THSD7A: variants seen among roughly 807,000 people sequenced by gnomAD.
THSD7A encodes thrombospondin type-1 domain-containing protein 7A.
A neutral mutation model predicts 231.3 loss-of-function variants in THSD7A; 96 were observed. The ratio of observed to expected loss-of-function variants is 0.41; its 90% confidence interval spans 0.35 to 0.49. The LOEUF is 0.49. Ranked by LOEUF, THSD7A falls within the 20% of genes least tolerant of loss-of-function variation. THSD7A has a pLI of 0.05. For synonymous variants in THSD7A, 940 were observed against 743.3 expected (o/e 1.26, Z -4.30); for missense variants, 2,290 against 2,070.2 (o/e 1.11, Z -2.06).
intron 6 of THSD7A, among the ~76,000 whole-genome samples, chr7:11,503,105 A>G (rs1044386878): frequency 6.6e-6 from 1 of 152,210 alleles, no homozygotes; most frequent in East Asian, 1.9e-4. Flanking sequence ...TACTGATTCC[A>G]AAACAGGCAC....
At chr7:11,382,826 A>G (rs914227961) in intron 23 of THSD7A, among the ~76,000 whole-genome samples, 1 of 151,930 alleles carries the variant, frequency 6.6e-6, no homozygotes, top group African/African-American at 2.4e-5. Context: ...CTGCTGTCAC[A>G]CTACCTGGTG....
chr7:11,378,843 A>C, intron 26 of THSD7A: 1 of 522,394 alleles, frequency 1.9e-6, no homozygotes, highest in East Asian at 3.2e-5. Flanking sequence ...TATTGATCCA[A>C]AATTTTTTCT....
Position 11,780,997 on chromosome 7 carries a change from C to CAAAAAAA in THSD7A, c.190+50753_190+50759dup, listed in dbSNP as rs58931693. Among the ~76,000 whole-genome samples, 176 of 34,446 alleles carry CAAAAAAA rather than the reference C, an allele frequency of 5.1e-3. 38 individuals are homozygous for CAAAAAAA. Among genetic ancestry groups the CAAAAAAA allele is most frequent in the Non-Finnish European group, 6.1e-3 (115 of 18,858 alleles). 22.6% of individuals were successfully genotyped at this position (34,446 alleles called of 152,430 possible). ...TGGGCGACAGAGCGAGACTCCGTCTCAAAAAAAAAAAAAAAAAAAAAAAAA... is the reference window on the plus strand; with the variant it reads ...TGGGCGACAGAGCGAGACTCCGTCTCAAAAAAAAAAAAAAAAAAAAAAAAAAAAAAAA... On this transcript the variant is annotated intron_variant, in intron 1 of 27. Transcript: ENST00000423059.
intron 6 of THSD7A, among the ~76,000 whole-genome samples, chr7:11,535,412 C>A (rs1788874093): frequency 6.6e-6 from 1 of 151,958 alleles, no homozygotes; most frequent in East Asian, 1.9e-4. Flanking sequence ...TTACTACACA[C>A]CAACACTGAA....
chr7:11,523,547 A>C (rs1395468649), intron 6 of THSD7A, among the ~76,000 whole-genome samples: 1 of 152,096 alleles, frequency 6.6e-6, no homozygotes, highest in Non-Finnish European at 1.5e-5. Context: ...AAAAAATTAC[A>C]AAAAACAGGA....
In THSD7A at chr7:11,421,518, T is replaced by C. The variant is rs535875680; in HGVS notation, c.3383+3178A>G. Among the ~76,000 whole-genome samples the C allele has an allele frequency of 3.9e-5, 6 of 152,294 alleles. No homozygotes were observed. The South Asian group carries it at 1.2e-3, about 32-fold the overall frequency. On this transcript the variant is annotated intron_variant, in intron 16 of 27. Transcript: ENST00000423059. The stretch of plus-strand genomic sequence containing the variant: ...TAAATTAGTCTCAGGAAGTTCTGTA[T>C]AGCACTATGAGAAAAGATTAATACA...
intron 6 of THSD7A, among the ~76,000 whole-genome samples, chr7:11,488,054 A>C (rs188322722): frequency 2.1e-4 from 32 of 152,304 alleles, no homozygotes; most frequent in African/African-American, 6.5e-4. Flanking sequence ...TTGTAAGCAG[A>C]AAGGAGAAAT....
intron 20 of THSD7A, 97 bp downstream of exon 20, chr7:11,407,209 C>A (rs1266009671): frequency 7.0e-7 from 1 of 1,438,074 alleles, no homozygotes; most frequent in African/African-American, 1.4e-5. Context: ...CCAATCCAAC[C>A]TTTCTGAAGA....
At chr7:11,779,285 A>C (rs928779018) in intron 1 of THSD7A, among the ~76,000 whole-genome samples, 15 of 152,176 alleles carry the variant, frequency 9.9e-5, no homozygotes, top group African/African-American at 3.4e-4. Context: ...ATATTATCTC[A>C]TCTTTCTCTC....
At chr7:11,531,907 T>G (rs754414450) in intron 6 of THSD7A, among the ~76,000 whole-genome samples, 3 of 152,284 alleles carry the variant, frequency 2.0e-5, no homozygotes, top group East Asian at 3.9e-4. Flanking sequence ...AGATTCAGTA[T>G]GTCCACAAAT....
chr7:11,460,325 CAAAATGCT>C (rs1191795176), intron 11 of THSD7A, among the ~76,000 whole-genome samples: 2 of 152,072 alleles, frequency 1.3e-5, no homozygotes, highest in Admixed American at 6.5e-5. Flanking sequence ...CGGTGGCAAG[CAAAATGCT>C]GTGGATACCG....
At chr7:11,734,733 C>T (rs1399726095) in intron 1 of THSD7A, among the ~76,000 whole-genome samples, 1 of 151,634 alleles carries the variant, frequency 6.6e-6, no homozygotes, top group Non-Finnish European at 1.5e-5. Context: ...ATTTTTTTCC[C>T]CATATTCAGG....
chr7:11,495,180 C>T (rs1346403969), intron 6 of THSD7A, among the ~76,000 whole-genome samples: 1 of 152,012 alleles, frequency 6.6e-6, no homozygotes. Flanking sequence ...GTCTAGCTTA[C>T]AAATCATTGC....
intron 1 of THSD7A, among the ~76,000 whole-genome samples, chr7:11,668,509 G>C (rs1783243566): frequency 7.3e-6 from 1 of 137,638 alleles, no homozygotes; most frequent in Non-Finnish European, 1.5e-5. Context: ...GAGAGAGAAA[G>C]AAAGAAAAAA....
chr7:11,757,520 C>A (rs1782724742), intron 1 of THSD7A, among the ~76,000 whole-genome samples: 1 of 151,964 alleles, frequency 6.6e-6, no homozygotes, highest in African/African-American at 2.4e-5. Flanking sequence ...AGATCTAGCC[C>A]TGTAAATCCT....
At chr7:11,467,550 C>T (rs1033688073) in intron 9 of THSD7A, among the ~76,000 whole-genome samples, 4 of 152,104 alleles carry the variant, frequency 2.6e-5, no homozygotes, top group African/African-American at 9.7e-5. Flanking sequence ...ACCTATGTAG[C>T]ATTCACAATC....
intron 1 of THSD7A, among the ~76,000 whole-genome samples, chr7:11,790,337 G>A (rs62433457): frequency 0.28 from 42,060 of 151,630 alleles, 7,005 homozygotes; most frequent in African/African-American, 0.47. Flanking sequence ...TGCAACATTT[G>A]TGCAAAATGA....
chr7:11,478,941 A>G (rs182456049), intron 7 of THSD7A, among the ~76,000 whole-genome samples: 62 of 152,292 alleles, frequency 4.1e-4, no homozygotes, highest in African/African-American at 1.4e-3. Flanking sequence ...ATTAACAATG[A>G]AACGTGAGAA....
chr7:11,465,163 T>C (rs554448067), intron 9 of THSD7A, among the ~76,000 whole-genome samples: 7 of 152,290 alleles, frequency 4.6e-5, no homozygotes, highest in Admixed American at 4.6e-4. Flanking sequence ...TAATAAATAT[T>C]TGCTGAACGC....
Sources: allele counts gnomAD v4.1 joint callset (sites outside exome capture counted in the v4.1 genomes callset), GRCh38; gene constraint gnomAD v4.1.1; transcripts MANE v1.5; gene names NCBI Gene and HGNC (gene_info 2026-07-23, HGNC 2026-07-21).